The following RNF130 variants were observed in gnomAD, a reference collection of about 807,000 sequenced individuals.
The protein encoded by RNF130 is ring finger protein 130, also known as E3 ubiquitin-protein ligase RNF130.
Under a neutral mutation model 44.6 loss-of-function variants are expected in RNF130, and 21 were observed. The ratio of observed to expected loss-of-function variants is 0.47; its 90% confidence interval spans 0.33 to 0.68. The LOEUF (loss-of-function observed/expected upper bound fraction) is 0.68, where lower values mean the gene tolerates loss of function less well. Ranked by LOEUF, RNF130 falls within the 30% of genes least tolerant of loss-of-function variation. RNF130 has a pLI of 0.02. For synonymous variants in RNF130, 214 were observed against 210.4 expected (o/e 1.02, Z -0.15); for missense variants, 479 against 560.6 (o/e 0.85, Z 1.47).
chr5:179,980,676 GTGAA>G (rs1762813484), intron 3 of RNF130, among the ~76,000 whole-genome samples: 1 of 152,216 alleles, frequency 6.6e-6, no homozygotes, highest in African/African-American at 2.4e-5. Flanking sequence ...ATCATCAAGT[GTGAA>G]GAGAAGGAAT....
downstream of RNF130, among the ~76,000 whole-genome samples, chr5:179,953,081 T>C (rs1762151303): frequency 6.6e-6 from 1 of 151,668 alleles, no homozygotes; most frequent in Non-Finnish European, 1.5e-5. Context: ...TGACATGATC[T>C]TGTAGACAGA....
chr5:179,930,255 A>T (rs1010210684), intron 7 of RNF130, among the ~76,000 whole-genome samples: 1 of 151,994 alleles, frequency 6.6e-6, no homozygotes, highest in African/African-American at 2.4e-5. Flanking sequence ...ATGGGGTTTC[A>T]CCACGTTGGT....
intron 7 of RNF130, among the ~76,000 whole-genome samples, chr5:179,927,766 AT>A (rs1482330569): frequency 1.1e-4 from 17 of 150,084 alleles, no homozygotes; most frequent in African/African-American, 4.2e-4. Flanking sequence ...TTTTTTTTGT[AT>A]TTTTAGTAGA....
At chr5:179,934,327 A>C (rs1224883990) in intron 7 of RNF130, 1 of 154,018 alleles carries the variant, frequency 6.5e-6, no homozygotes, top group Non-Finnish European at 1.4e-5. Flanking sequence ...CTGAAACTCT[A>C]CACCCATTAA....
chr5:179,970,922 T>C (rs1400356051), intron 5 of RNF130, among the ~76,000 whole-genome samples: 2 of 152,214 alleles, frequency 1.3e-5, no homozygotes, highest in Admixed American at 1.3e-4. Flanking sequence ...TAGTGATTAG[T>C]TTTTTGGCAC....
chr5:180,047,376 T>C (rs1764589380), intron 1 of RNF130, among the ~76,000 whole-genome samples: 1 of 152,232 alleles, frequency 6.6e-6, no homozygotes, highest in East Asian at 1.9e-4. Flanking sequence ...ATTATTTTAC[T>C]GCTTCTACAC....
At chr5:179,927,474 GAAT>G (rs1421214642) in intron 7 of RNF130, among the ~76,000 whole-genome samples, 5 of 151,840 alleles carry the variant, frequency 3.3e-5, no homozygotes, top group Admixed American at 1.3e-4. Flanking sequence ...ATCAAGAATA[GAAT>G]ACTACCAGCG....
chr5:179,927,859 G>C (rs930291015), intron 7 of RNF130, among the ~76,000 whole-genome samples: 1 of 151,930 alleles, frequency 6.6e-6, no homozygotes, highest in African/African-American at 2.4e-5. Context: ...CAAAGTGCTG[G>C]GATTACAAGT....
intron 7 of RNF130, among the ~76,000 whole-genome samples, chr5:179,941,828 T>A (rs1041085281): frequency 3.9e-5 from 6 of 152,216 alleles, no homozygotes; most frequent in African/African-American, 1.4e-4. Flanking sequence ...AGAAACCTGA[T>A]AAACTTATTA....
At chr5:179,979,708 C>T (rs553526112) in intron 4 of RNF130, among the ~76,000 whole-genome samples, 49 of 152,330 alleles carry the variant, frequency 3.2e-4, no homozygotes, top group Non-Finnish European at 5.3e-4. Context: ...GACCCTGACA[C>T]ACTTTGCTCT....
At chr5:179,992,377 C>T (rs1329536227) in intron 3 of RNF130, among the ~76,000 whole-genome samples, 4 of 152,174 alleles carry the variant, frequency 2.6e-5, no homozygotes, top group African/African-American at 9.7e-5. Flanking sequence ...CTCCTGACCT[C>T]GTGATCCACC....
At chr5:179,940,560 T>TA (rs1761957354) in intron 7 of RNF130, among the ~76,000 whole-genome samples, 1 of 152,168 alleles carries the variant, frequency 6.6e-6, no homozygotes, top group Admixed American at 6.5e-5. Flanking sequence ...TTCAAATGGT[T>TA]ACTTTTATGT....
intron 1 of RNF130, among the ~76,000 whole-genome samples, chr5:180,058,788 G>A (rs1386696892): frequency 6.6e-6 from 1 of 151,972 alleles, no homozygotes; most frequent in Non-Finnish European, 1.5e-5. Context: ...TCTCGAACTC[G>A]TGACCTCAAG....
chr5:180,043,824 T>C (rs1346728551), intron 1 of RNF130, among the ~76,000 whole-genome samples: 1 of 152,152 alleles, frequency 6.6e-6, no homozygotes, highest in Non-Finnish European at 1.5e-5. Flanking sequence ...AAAAGGTCTC[T>C]GAAAACATTC....
chr5:179,955,596 A>G lies in RNF130; in HGVS notation c.*58T>C, dbSNP rs905537562. On this transcript the variant is annotated 3_prime_UTR_variant, in exon 9 of 9. Transcript: ENST00000521389. ...TGGCATGATTGGTAAATGATGCACA[A>G]AAATAGGTTCTTTTTTCCTTCAAGG... 1.3e-6 allele frequency: 2 copies of G among 1,491,360 alleles called. No individual in the cohort carries two copies. The highest frequency in any genetic ancestry group is 1.4e-5 in the African/African-American group (1 of 70,920). 92.4% of individuals were successfully genotyped at this position (1,491,360 alleles called of 1,614,324 possible).
chr5:179,958,218 CA>C (rs1472044442), intron 8 of RNF130, among the ~76,000 whole-genome samples: 4 of 152,274 alleles, frequency 2.6e-5, no homozygotes, highest in South Asian at 2.1e-4. Context: ...AAAACTAAAG[CA>C]TACAACCTAT....
At chr5:180,053,644 C>G (rs1764736761) in intron 1 of RNF130, among the ~76,000 whole-genome samples, 1 of 151,984 alleles carries the variant, frequency 6.6e-6, no homozygotes, top group Non-Finnish European at 1.5e-5. Flanking sequence ...ATATTCAGAG[C>G]AAGAAGAGTT....
At chr5:180,016,286 C>T (rs879879092) in intron 2 of RNF130, among the ~76,000 whole-genome samples, 7 of 152,178 alleles carry the variant, frequency 4.6e-5, no homozygotes, top group Non-Finnish European at 1.0e-4. Context: ...AAGACCCTGA[C>T]CTAAAGCTGC....
intron 1 of RNF130, among the ~76,000 whole-genome samples, chr5:180,047,157 T>C (rs1324913449): frequency 6.6e-6 from 1 of 152,242 alleles, no homozygotes. Context: ...TTCCTACTCC[T>C]GAATTAGATT....
Sources: allele counts gnomAD v4.1 joint callset (sites outside exome capture counted in the v4.1 genomes callset), GRCh38; gene constraint gnomAD v4.1.1; transcripts MANE v1.5; gene names NCBI Gene and HGNC (gene_info 2026-07-23, HGNC 2026-07-21).